MAP2: variants seen among roughly 807,000 people sequenced by gnomAD.
MAP2 encodes microtubule associated protein 2.
In MAP2, 14 loss-of-function variants were observed where a neutral mutation model predicts 137.6. The ratio of observed to expected loss-of-function variants is 0.10; its 90% CI spans 0.07 to 0.16. The LOEUF is 0.16. Ranked by LOEUF, MAP2 falls within the 10% of genes least tolerant of loss-of-function variation. The probability of loss-of-function intolerance (pLI) is 1.00; values close to 1 mark genes in which losing one functional copy is unlikely to be tolerated. For synonymous variants in MAP2, 786 were observed against 782.3 expected (o/e 1.00, Z -0.08); for missense variants, 2,088 against 2,191.5 (o/e 0.95, Z 0.94).
chr2:209,598,969 G>A (rs1382889390), intron 3 of MAP2, among the ~76,000 whole-genome samples: 3 of 151,916 alleles, frequency 2.0e-5, no homozygotes, highest in African/African-American at 7.3e-5. Context: ...ACCCAGTAAT[G>A]GGATGGCTGG....
chr2:209,606,024 T>A (rs1316209282), intron 3 of MAP2, among the ~76,000 whole-genome samples: 2 of 152,200 alleles, frequency 1.3e-5, no homozygotes, highest in African/African-American at 4.8e-5. Context: ...TTCATGTAAA[T>A]ACTTATTTTA....
intron 2 of MAP2, among the ~76,000 whole-genome samples, chr2:209,534,434 G>A (rs183825015): frequency 5.6e-4 from 85 of 152,214 alleles, no homozygotes; most frequent in East Asian, 3.7e-3. Flanking sequence ...TTGCCAGGGG[G>A]TTATGGTAGT....
chr2:209,714,800 T>C (rs1485556641), intron 13 of MAP2, among the ~76,000 whole-genome samples: 2 of 152,224 alleles, frequency 1.3e-5, no homozygotes, highest in Non-Finnish European at 2.9e-5. Context: ...GGACATTAAA[T>C]ATCATCCTTC....
chr2:209,481,088 T>A (rs1708641020), intron 1 of MAP2, among the ~76,000 whole-genome samples: 2 of 152,304 alleles, frequency 1.3e-5, no homozygotes, highest in South Asian at 4.1e-4. Context: ...CAGGGAAGAC[T>A]CTTTTTGGCT....
At chr2:209,487,361 T>C (rs181609142) in intron 1 of MAP2, among the ~76,000 whole-genome samples, 1 of 152,346 alleles carries the variant, frequency 6.6e-6, no homozygotes, top group Non-Finnish European at 1.5e-5. Flanking sequence ...TGCCTATAGC[T>C]GTACATTCCT....
At chr2:209,541,937 C>G (rs2067122392) in intron 2 of MAP2, among the ~76,000 whole-genome samples, 2 of 152,184 alleles carry the variant, frequency 1.3e-5, no homozygotes, top group South Asian at 4.1e-4. Context: ...GACCTCCTAC[C>G]ATGAATCATA....
At chr2:209,525,437 A>C (rs55703768) in intron 2 of MAP2, among the ~76,000 whole-genome samples, 1 of 151,998 alleles carries the variant, frequency 6.6e-6, no homozygotes. Context: ...AGCAATTTTC[A>C]TGTGAAAAAT....
chr2:209,606,324 C>G (rs1401678296), intron 3 of MAP2, among the ~76,000 whole-genome samples: 1 of 151,994 alleles, frequency 6.6e-6, no homozygotes, highest in Non-Finnish European at 1.5e-5. Context: ...AATTTTTAGG[C>G]ACTGTAAAGG....
At chr2:209,571,041 C>T (rs1442905376) in intron 2 of MAP2, among the ~76,000 whole-genome samples, 1 of 151,908 alleles carries the variant, frequency 6.6e-6, no homozygotes, top group Non-Finnish European at 1.5e-5. Flanking sequence ...CAATGTAAAA[C>T]ATACTCTCCC....
chr2:209,471,088 T>C (rs1475932661), intron 1 of MAP2, among the ~76,000 whole-genome samples: 1 of 152,210 alleles, frequency 6.6e-6, no homozygotes. Context: ...GGTCTGACTC[T>C]TGCCTGTTTT....
intron 2 of MAP2, among the ~76,000 whole-genome samples, chr2:209,523,816 T>C (rs2063618994): frequency 6.6e-6 from 1 of 152,134 alleles, no homozygotes; most frequent in Admixed American, 6.6e-5. Context: ...CTTAGTGTTG[T>C]TTATAATTTA....
In MAP2 at chr2:209,424,047, A is replaced by T. The variant is rs1338505469; in HGVS notation, c.-451A>T. 3.2e-5 allele frequency: 5 copies of T among 155,844 alleles called. No individual in the cohort carries two copies. The Admixed American group carries it at 3.3e-4, about 10-fold the overall frequency. The allele number at this position is 155,844 out of a possible 1,614,324, so 9.7% of individuals were successfully genotyped here. A position where few individuals can be genotyped will look rare whatever the true frequency, so the allele number is the denominator to read the frequency against. On this transcript the variant is annotated 5_prime_UTR_variant, in exon 1 of 16. Transcript: ENST00000682079. Reference sequence around the variant, plus strand: ...GGAGCCGGCTGGGGGCGCCGCTCTCAGTCTGGGGCGGGCGCTCGGGCTGCG... The same window carrying T: ...GGAGCCGGCTGGGGGCGCCGCTCTCTGTCTGGGGCGGGCGCTCGGGCTGCG...
chr2:209,682,988 GCAGGTTTACTCCAAAAGTCGGC>G (rs1368650135), intron 7 of MAP2, among the ~76,000 whole-genome samples: 3 of 152,138 alleles, frequency 2.0e-5, no homozygotes, highest in Non-Finnish European at 4.4e-5. Context: ...TGTTGACAGA[GCAGGTTTACTCCAAAAGTCGGC>G]TTGAGGTCAA....
At chr2:209,692,488 A>AT in intron 7 of MAP2, 137 bp from the exon 8 acceptor site, 1 of 868,658 alleles carries the variant, frequency 1.2e-6, no homozygotes, top group Non-Finnish European at 1.7e-6. Context: ...TGACTTTTAC[A>AT]TGGGTAGCAT....
At chr2:209,680,634 A>C in intron 6 of MAP2, 116 bp from the exon 7 acceptor site, 4 of 875,912 alleles carry the variant, frequency 4.6e-6, no homozygotes, top group Non-Finnish European at 7.4e-6. Context: ...CTTACTATTG[A>C]ATCTTTTTCT....
At chr2:209,429,257 C>T (rs371914141) in intron 1 of MAP2, among the ~76,000 whole-genome samples, 9 of 152,186 alleles carry the variant, frequency 5.9e-5, no homozygotes, top group African/African-American at 2.2e-4. Flanking sequence ...CCGGCAATTA[C>T]TTTAAAGACA....
At chr2:209,623,201 A>G (rs1019532907) in intron 3 of MAP2, among the ~76,000 whole-genome samples, 2 of 152,212 alleles carry the variant, frequency 1.3e-5, no homozygotes, top group African/African-American at 4.8e-5. Flanking sequence ...GAATCATTCA[A>G]GTCTGGCATT....
At chr2:209,673,879 A>C (rs1041145916) in intron 5 of MAP2, among the ~76,000 whole-genome samples, 5 of 151,840 alleles carry the variant, frequency 3.3e-5, no homozygotes, top group African/African-American at 1.2e-4. Context: ...AATGTAGTCT[A>C]ATCTCTGACT....
chr2:209,616,635 T>C (rs541760690), intron 3 of MAP2, among the ~76,000 whole-genome samples: 1 of 152,256 alleles, frequency 6.6e-6, no homozygotes, highest in South Asian at 2.1e-4. Context: ...ATTCATTGGT[T>C]GAATAGTTAC....
Sources: allele counts gnomAD v4.1 joint callset (sites outside exome capture counted in the v4.1 genomes callset), GRCh38; gene constraint gnomAD v4.1.1; transcripts MANE v1.5; gene names NCBI Gene and HGNC (gene_info 2026-07-23, HGNC 2026-07-21).